The following LPP variants were observed in gnomAD, a reference collection of about 807,000 sequenced individuals.
LPP encodes the protein lipoma-preferred partner.
In LPP, 38 loss-of-function variants were observed where a neutral mutation model predicts 60.4. The ratio of observed to expected loss-of-function variants is 0.63; its 90% CI spans 0.49 to 0.83. The LOEUF (loss-of-function observed/expected upper bound fraction) is 0.83, where lower values mean the gene tolerates loss of function less well. Among genes scored for constraint, LPP ranks in the 40% least tolerant of loss-of-function variants. The probability of loss-of-function intolerance (pLI) is 0.00; values close to 1 mark genes in which losing one functional copy is unlikely to be tolerated. For synonymous variants in LPP, 328 were observed against 290.8 expected (o/e 1.13, Z -1.30); for missense variants, 902 against 783.6 (o/e 1.15, Z -1.80).
At chr3:188,712,533 G>A (rs1392673471) in intron 8 of LPP, 1 of 152,266 alleles carries the variant, frequency 6.6e-6, no homozygotes, top group Non-Finnish European at 1.5e-5. Flanking sequence ...CCTGACCCAA[G>A]AGCGATAAAG....
intron 3 of LPP, among the ~76,000 whole-genome samples, chr3:188,402,651 T>C (rs1426225754): frequency 6.6e-6 from 1 of 152,146 alleles, no homozygotes; most frequent in Non-Finnish European, 1.5e-5. Flanking sequence ...TAAGAAAGAG[T>C]AACGTTCATT....
intron 7 of LPP, among the ~76,000 whole-genome samples, chr3:188,638,345 G>C (rs1233812677): frequency 2.0e-5 from 3 of 149,350 alleles, no homozygotes; most frequent in African/African-American, 7.4e-5. Context: ...CAATAAATTA[G>C]GTATTGATGG....
At chr3:188,539,717 ATACAATATC>A (rs1020884558) in intron 6 of LPP, among the ~76,000 whole-genome samples, 11 of 152,216 alleles carry the variant, frequency 7.2e-5, no homozygotes, top group African/African-American at 2.7e-4. Flanking sequence ...TAATGTGAAA[ATACAATATC>A]TTGTACATAA....
At chr3:188,751,709 T>A (rs1436857923) in intron 8 of LPP, among the ~76,000 whole-genome samples, 1 of 152,196 alleles carries the variant, frequency 6.6e-6, no homozygotes, top group Non-Finnish European at 1.5e-5. Flanking sequence ...GCACATAATC[T>A]CTTTATGCTG....
chr3:188,207,307 C>A (rs57019705), intron 1 of LPP, among the ~76,000 whole-genome samples: 15,035 of 147,766 alleles, frequency 0.1, 1,636 homozygotes, highest in African/African-American at 0.28. Context: ...TCTTAGCTGA[C>A]TGCAACCTCT....
intron 1 of LPP, among the ~76,000 whole-genome samples, chr3:188,219,247 A>G (rs144522281): frequency 8.8e-4 from 134 of 152,302 alleles, no homozygotes; most frequent in African/African-American, 3.1e-3. Flanking sequence ...GTTGCTCAAA[A>G]TTCCATAGTT....
chr3:188,161,712 C>T (rs1436733613), intron 1 of LPP, among the ~76,000 whole-genome samples: 1 of 152,244 alleles, frequency 6.6e-6, no homozygotes, highest in Non-Finnish European at 1.5e-5. Flanking sequence ...CTGTACCTCA[C>T]ACCTTCCTTC....
In LPP at chr3:188,313,962, A is replaced by G. The variant is rs138116961; in HGVS notation, c.-66-27701A>G. On this transcript the variant is annotated intron_variant, in intron 2 of 11. Coordinates refer to ENST00000617246, the MANE Select transcript of LPP (RefSeq NM_001375462.1). ...GTGTTTGGGGTCTGGATTTCAGTAC[A>G]TTGATTTTCTGCTCAGCCACTTTAC... is the stretch of plus-strand genomic sequence containing the variant. Among the ~76,000 whole-genome samples, 22 of 152,304 alleles carry G rather than the reference A, an allele frequency of 1.4e-4. 1 individual carries two copies. The East Asian group carries it at 4.2e-3, about 29-fold the overall frequency.
At position 188,572,435 on chromosome 3, in the gene LPP, T is replaced by TAG. The variant is rs2150863824; in HGVS notation, c.430-36723_430-36722dup. Among the ~76,000 whole-genome samples the TAG allele has an allele frequency of 6.6e-6, 1 of 152,160 alleles. No homozygotes were observed. The highest frequency in any genetic ancestry group is 1.9e-4 in the East Asian group (1 of 5,148). The stretch of plus-strand genomic sequence containing the variant: ...GTTAGACTCCTCATTAGGATTTGGG[T>TAG]AGAGGTTAATGTCGGTAGACACATT... On this transcript the variant is annotated intron_variant, in intron 6 of 11. Transcript: ENST00000617246. This position sits in a 1 kb window ranked among gnomAD's most constrained non-coding sequence, Gnocchi z 4.1.
chr3:188,362,632 C>G (rs7628982), intron 3 of LPP, among the ~76,000 whole-genome samples: 91,364 of 152,112 alleles, frequency 0.6, 28,629 homozygotes, highest in African/African-American at 0.79. Context: ...TGAACACACA[C>G]GTTTTCTCTT....
rs1053548518 is a variant in LPP at position 188,637,119 on chromosome 3, T to C, written c.1113+27275T>C. Reference sequence around the variant, plus strand: ...ATTGACCACATACTTGGAAGTAAAGTTCTCTTCAGCAAACGTAAAAGAACA... The same window carrying C: ...ATTGACCACATACTTGGAAGTAAAGCTCTCTTCAGCAAACGTAAAAGAACA... On this transcript the variant is annotated intron_variant, in intron 7 of 11. Coordinates refer to ENST00000617246, the MANE Select transcript of LPP (RefSeq NM_001375462.1). Among the ~76,000 whole-genome samples the C allele has an allele frequency of 2.2e-4, 33 of 150,732 alleles. No individual in the cohort carries two copies. In the East Asian group the frequency reaches 5.8e-3, roughly 27 times the overall value.
chr3:188,651,459 G>C (rs865961006), intron 7 of LPP, among the ~76,000 whole-genome samples: 1 of 152,166 alleles, frequency 6.6e-6, no homozygotes, highest in Admixed American at 6.5e-5. Flanking sequence ...AGAAACAATC[G>C]TTTTATTTCT....
chr3:188,511,299 C>G (rs1166717750), intron 5 of LPP, among the ~76,000 whole-genome samples: 1 of 109,434 alleles, frequency 9.1e-6, no homozygotes, highest in Non-Finnish European at 1.9e-5. Context: ...TTCCTTCCCT[C>G]CCTGCCTTCC....
At chr3:188,504,448 A>G (rs1812866125) in intron 5 of LPP, among the ~76,000 whole-genome samples, 2 of 152,022 alleles carry the variant, frequency 1.3e-5, no homozygotes, top group African/African-American at 4.8e-5. Context: ...CTGTTGGTTT[A>G]TATTTTTGTT....
At chr3:188,386,916 A>T (rs1198526768) in intron 3 of LPP, among the ~76,000 whole-genome samples, 1 of 152,188 alleles carries the variant, frequency 6.6e-6, no homozygotes, top group Non-Finnish European at 1.5e-5. Flanking sequence ...ATGACCCCAA[A>T]GTTGGTTTGC....
intron 2 of LPP, 90 bp downstream of exon 2, chr3:188,225,617 AAGTATGGGCATC>A (rs1486032247): frequency 5.3e-5 from 8 of 152,234 alleles, no homozygotes; most frequent in African/African-American, 1.7e-4. Context: ...TTTCCACTTA[AAGTATGGGCATC>A]AGTAACTAGG....
intron 7 of LPP, among the ~76,000 whole-genome samples, chr3:188,651,971 A>G (rs1852182928): frequency 1.3e-5 from 2 of 152,184 alleles, no homozygotes. Flanking sequence ...AGGCTTCATC[A>G]AAGCAGTTAA....
intron 5 of LPP, among the ~76,000 whole-genome samples, chr3:188,502,720 G>A (rs190121811): frequency 2.0e-5 from 3 of 152,222 alleles, no homozygotes; most frequent in East Asian, 3.9e-4. Flanking sequence ...AATTTAAAAT[G>A]CATTTAATAT....
chr3:188,760,831 T>G (rs1207274892), intron 9 of LPP, among the ~76,000 whole-genome samples: 1 of 152,200 alleles, frequency 6.6e-6, no homozygotes, highest in Non-Finnish European at 1.5e-5. Context: ...CTGTTTATTA[T>G]AAAGCACCTT....
Sources: allele counts gnomAD v4.1 joint callset (sites outside exome capture counted in the v4.1 genomes callset), GRCh38; gene constraint gnomAD v4.1.1; non-coding constraint Gnocchi (gnomAD v3.1); transcripts MANE v1.5; gene names NCBI Gene and HGNC (gene_info 2026-07-23, HGNC 2026-07-21).